The following LRP1B variants were observed in gnomAD, a reference collection of about 807,000 sequenced individuals.
LRP1B encodes low-density lipoprotein receptor-related protein 1B.
Under a neutral mutation model 556.6 loss-of-function variants are expected in LRP1B, and 217 were observed. That is an observed-to-expected ratio of 0.39 (90% CI 0.35 to 0.44). LRP1B has a LOEUF of 0.44. LRP1B is among the 20% of genes least tolerant of loss of function. LRP1B has a pLI of 1.00. For missense variants in LRP1B, 5,053 were observed against 5,620.8 expected (o/e 0.90, Z 3.23); for synonymous variants, 2,047 against 1,865.8 (o/e 1.10, Z -2.50).
At chr2:141,873,653 G>A (rs1698663417) in intron 1 of LRP1B, among the ~76,000 whole-genome samples, 1 of 151,970 alleles carries the variant, frequency 6.6e-6, no homozygotes, top group Non-Finnish European at 1.5e-5. Flanking sequence ...TAGTGCCTGT[G>A]TATTGCCTTT....
intron 7 of LRP1B, among the ~76,000 whole-genome samples, chr2:141,123,703 A>G (rs1449329809): frequency 1.3e-5 from 2 of 152,092 alleles, no homozygotes; most frequent in East Asian, 3.9e-4. Context: ...TAAATATTCC[A>G]ATCCAACAGT....
At chr2:141,572,033 C>G (rs1312785491) in intron 2 of LRP1B, among the ~76,000 whole-genome samples, 3 of 152,038 alleles carry the variant, frequency 2.0e-5, no homozygotes, top group Admixed American at 6.6e-5. Flanking sequence ...GAGAATTTCC[C>G]CAATCTAGCA....
At chr2:141,171,271 C>A (rs1680487367) in intron 7 of LRP1B, among the ~76,000 whole-genome samples, 2 of 152,054 alleles carry the variant, frequency 1.3e-5, no homozygotes, top group Admixed American at 1.3e-4. Context: ...AGGACATGTA[C>A]ACATCATTGC....
chr2:140,555,287 A>T (rs2105061857), intron 43 of LRP1B, among the ~76,000 whole-genome samples: 1 of 151,986 alleles, frequency 6.6e-6, no homozygotes, highest in Middle Eastern at 3.4e-3. Context: ...TCCTGTAGTT[A>T]TACATACGCA....
At chr2:142,046,460 T>C (rs1704263374) in intron 1 of LRP1B, among the ~76,000 whole-genome samples, 1 of 151,926 alleles carries the variant, frequency 6.6e-6, no homozygotes, top group Admixed American at 6.6e-5. Flanking sequence ...GTCAGGGGCA[T>C]CAGGCCAACA....
chr2:141,351,042 G>A (rs1298438408), intron 3 of LRP1B, among the ~76,000 whole-genome samples: 7 of 151,850 alleles, frequency 4.6e-5, no homozygotes, highest in Non-Finnish European at 8.8e-5. Flanking sequence ...TCATTATAAC[G>A]GGTACACTTA....
intron 43 of LRP1B, among the ~76,000 whole-genome samples, chr2:140,552,637 T>C (rs1680586359): frequency 6.6e-6 from 1 of 152,144 alleles, no homozygotes; most frequent in Non-Finnish European, 1.5e-5. Context: ...ACAAGCCTAG[T>C]CAGAGTCTTT....
intron 3 of LRP1B, among the ~76,000 whole-genome samples, chr2:141,334,008 G>T (rs1312917504): frequency 6.6e-6 from 1 of 152,068 alleles, no homozygotes; most frequent in Non-Finnish European, 1.5e-5. Context: ...CAAAACTAGG[G>T]TCTTAAAGAG....
chr2:140,845,470 T>C (rs1472033452), intron 29 of LRP1B, among the ~76,000 whole-genome samples: 5 of 151,760 alleles, frequency 3.3e-5, no homozygotes. Flanking sequence ...GACTCACACT[T>C]CCCATTAAGT....
At chr2:141,601,599 TTTCCTTCCTTCCTTCC>T (rs59436887) in intron 2 of LRP1B, among the ~76,000 whole-genome samples, 62 of 140,710 alleles carry the variant, frequency 4.4e-4, no homozygotes, top group Admixed American at 1.6e-3. Context: ...GTAGCACTCC[TTTCCTTCCTTCCTTCC>T]TTCCTTCCTT....
rs530691104 is a variant in LRP1B at position 140,566,828 on chromosome 2, A to G, written c.7195-24857T>C. Among the ~76,000 whole-genome samples, 3 of 152,302 alleles carry G rather than the reference A, an allele frequency of 2.0e-5. No homozygotes were observed. In the South Asian group the frequency reaches 6.2e-4, roughly 32 times the overall value. On this transcript the variant is annotated intron_variant, in intron 43 of 90. Transcript: ENST00000389484. ...CCAGAACCTCAACAGTGCCTAAGTT[A>G]AAGCAGCAGCCTGACTCCTATGAAA...
intron 60 of LRP1B, among the ~76,000 whole-genome samples, chr2:140,471,930 GC>G (rs1377695627): frequency 1.3e-5 from 2 of 152,140 alleles, no homozygotes; most frequent in Admixed American, 6.5e-5. Flanking sequence ...CTTTGCACAT[GC>G]TGTTCCCTCT....
In LRP1B at chr2:140,370,789, G is replaced by C. The variant is rs2105165158; in HGVS notation, c.10929C>G (p.Ala3643=). ...ACAGCCATCTAATTGGAATACAGTG[G>C]GCTTTATTTTTGCACCGAAACTGAT... ...KEDQFRCKNK[A]HCIPIRWLCD... The change falls in exon 71 of 91, where the codon GCC becomes GCG. Residue 3643 remains alanine (A), a synonymous_variant. Transcript: ENST00000389484. 1 of 1,612,594 alleles carries C rather than the reference G, an allele frequency of 6.2e-7. No homozygotes were observed. Among genetic ancestry groups the C allele is most frequent in the Non-Finnish European group, 8.5e-7 (1 of 1,179,122 alleles).
intron 1 of LRP1B, among the ~76,000 whole-genome samples, chr2:141,848,698 A>G (rs1697741631): frequency 1.3e-5 from 2 of 151,618 alleles, no homozygotes; most frequent in Admixed American, 1.3e-4. Context: ...TATATACACA[A>G]GCAATTTATG....
intron 70 of LRP1B, 26 bp from the exon 71 acceptor site, chr2:140,370,868 A>T (rs2105165597): frequency 6.2e-7 from 1 of 1,609,334 alleles, no homozygotes; most frequent in Non-Finnish European, 8.5e-7. Context: ...TGGACACTGC[A>T]GTTTTCATTA....
chr2:141,237,714 A>T (rs1402348965), intron 5 of LRP1B, among the ~76,000 whole-genome samples: 1 of 152,172 alleles, frequency 6.6e-6, no homozygotes, highest in African/African-American at 2.4e-5. Context: ...CTGGAAGAAG[A>T]TCCATTTTAT....
At chr2:141,155,984 C>T (rs1204875003) in intron 7 of LRP1B, among the ~76,000 whole-genome samples, 5 of 152,104 alleles carry the variant, frequency 3.3e-5, no homozygotes, top group Admixed American at 2.6e-4. Context: ...CCTACAGGAA[C>T]ATAAAAGGAC....
At chr2:141,168,784 C>T (rs113703282) in intron 7 of LRP1B, among the ~76,000 whole-genome samples, 7,815 of 152,098 alleles carry the variant, frequency 0.051, 294 homozygotes, top group South Asian at 0.11. Flanking sequence ...GTACTTTACT[C>T]TTCCCCACTT....
intron 7 of LRP1B, among the ~76,000 whole-genome samples, chr2:141,141,110 C>T (rs1355778445): frequency 1.3e-5 from 2 of 151,942 alleles, no homozygotes; most frequent in African/African-American, 2.4e-5. Context: ...TGTAAAAATG[C>T]ATTAATTAAA....
Sources: gnomAD v4.1 joint callset for allele counts (sites outside exome capture counted in the v4.1 genomes callset) on GRCh38, gnomAD v4.1.1 for gene constraint, MANE v1.5 for transcripts, NCBI Gene and HGNC (gene_info 2026-07-23, HGNC 2026-07-21) for gene names.